RAP1A: variants seen among roughly 807,000 people sequenced by gnomAD.
RAP1A encodes the protein ras-related protein Rap-1A.
In RAP1A, 6 loss-of-function variants were observed where a neutral mutation model predicts 26.4. The observed-to-expected ratio is 0.23, with a 90% CI of 0.12 to 0.45. RAP1A has a LOEUF of 0.45. Among genes scored for constraint, RAP1A ranks in the 20% least tolerant of loss-of-function variants. The pLI, the probability that RAP1A is intolerant of heterozygous loss-of-function variation, is 0.99. For synonymous variants in RAP1A, 73 were observed against 79.4 expected (o/e 0.92, Z 0.43); for missense variants, 121 against 217.2 (o/e 0.56, Z 2.78).
intron 1 of RAP1A, among the ~76,000 whole-genome samples, chr1:111,548,884 T>C (rs1216524061): frequency 6.6e-6 from 1 of 152,236 alleles, no homozygotes; most frequent in African/African-American, 2.4e-5. Flanking sequence ...CGCTCTGATA[T>C]GGGCTGTTTT....
chr1:111,590,173 G>A (rs550785831), intron 1 of RAP1A, among the ~76,000 whole-genome samples: 1 of 111,966 alleles, frequency 8.9e-6, no homozygotes, highest in East Asian at 2.8e-4. Context: ...TTAATAGTTT[G>A]TAGATTGTCT....
intron 1 of RAP1A, among the ~76,000 whole-genome samples, chr1:111,668,341 A>G (rs1363674713): frequency 2.6e-5 from 4 of 152,230 alleles, no homozygotes; most frequent in Non-Finnish European, 5.9e-5. Flanking sequence ...CATTGACTTC[A>G]TATTTTGGAA....
chr1:111,588,319 G>T (rs1658417457), intron 1 of RAP1A, among the ~76,000 whole-genome samples: 1 of 152,156 alleles, frequency 6.6e-6, no homozygotes, highest in Non-Finnish European at 1.5e-5. Flanking sequence ...ATCATAGTGG[G>T]CTGCTGGGTG....
At chr1:111,696,799 A>T (rs189036543) in intron 3 of RAP1A, among the ~76,000 whole-genome samples, 7 of 152,300 alleles carry the variant, frequency 4.6e-5, no homozygotes, top group African/African-American at 1.4e-4. Context: ...TTATAAGACC[A>T]ATGGGTAAAT....
At chr1:111,599,030 G>T (rs1292426198) in intron 1 of RAP1A, among the ~76,000 whole-genome samples, 1 of 152,110 alleles carries the variant, frequency 6.6e-6, no homozygotes, top group African/African-American at 2.4e-5. Context: ...CAGATGATGA[G>T]GTGTATAGGG....
chr1:111,602,271 A>C (rs1196156907), intron 1 of RAP1A: 1 of 152,210 alleles, frequency 6.6e-6, no homozygotes, highest in Admixed American at 6.5e-5. Flanking sequence ...GCAGGATAAC[A>C]GGAAAGAAAG....
At chr1:111,704,906 C>G (rs1662139880) in intron 6 of RAP1A, among the ~76,000 whole-genome samples, 2 of 152,098 alleles carry the variant, frequency 1.3e-5, no homozygotes, top group South Asian at 4.2e-4. Flanking sequence ...CTTACCTCAC[C>G]TTTGGTGCAT....
intron 1 of RAP1A, among the ~76,000 whole-genome samples, chr1:111,567,026 C>T (rs1557853095): frequency 5.3e-5 from 8 of 151,972 alleles, no homozygotes; most frequent in Admixed American, 5.2e-4. Flanking sequence ...TTTAGGAGGC[C>T]ATATTTTTTC....
intron 6 of RAP1A, among the ~76,000 whole-genome samples, chr1:111,705,630 A>G (rs192008672): frequency 1.4e-3 from 211 of 152,330 alleles, no homozygotes; most frequent in African/African-American, 4.7e-3. Context: ...TTTATTGACT[A>G]TTGTGTGTCT....
At chr1:111,555,853 G>A (rs972837307) in intron 1 of RAP1A, among the ~76,000 whole-genome samples, 4 of 152,076 alleles carry the variant, frequency 2.6e-5, no homozygotes, top group Non-Finnish European at 5.9e-5. Context: ...ATTGGATTTG[G>A]CAACGATTTC....
chr1:111,612,237 G>A (rs187264057), intron 1 of RAP1A, among the ~76,000 whole-genome samples: 1 of 152,234 alleles, frequency 6.6e-6, no homozygotes, highest in East Asian at 1.9e-4. Context: ...CTCTCCAGTG[G>A]CCAGCTGTGT....
At chr1:111,704,148 ATTTTT>A (rs71078091) in intron 5 of RAP1A, among the ~76,000 whole-genome samples, 190 bp from the exon 6 acceptor site, 1 of 136,866 alleles carries the variant, frequency 7.3e-6, no homozygotes, top group African/African-American at 2.7e-5. Context: ...GATCTCTTCC[ATTTTT>A]TTTTTTTTTT....
At chr1:111,666,539 A>G (rs1660800282) in intron 1 of RAP1A, among the ~76,000 whole-genome samples, 1 of 152,200 alleles carries the variant, frequency 6.6e-6, no homozygotes, top group Admixed American at 6.5e-5. Flanking sequence ...TTCTAAAAAT[A>G]GAATGTAAAT....
chr1:111,660,952 T>C (rs972015098), intron 1 of RAP1A, among the ~76,000 whole-genome samples: 1 of 152,202 alleles, frequency 6.6e-6, no homozygotes, highest in Admixed American at 6.5e-5. Flanking sequence ...CAAACATCAC[T>C]CTTCTAGATT....
chr1:111,559,474 T>C (rs1657644445), intron 1 of RAP1A, among the ~76,000 whole-genome samples: 1 of 152,154 alleles, frequency 6.6e-6, no homozygotes, highest in Non-Finnish European at 1.5e-5. Context: ...GAGATTTGAG[T>C]TGCAGTCCAA....
Position 111,587,528 on chromosome 1 carries a change from C to G in RAP1A, c.-28+45019C>G, listed in dbSNP as rs61788217. 7.2e-3 allele frequency among the ~76,000 whole-genome samples: 1,095 copies of G among 152,254 alleles called. 21 individuals are homozygous for G. Among genetic ancestry groups the G allele is most frequent in the Non-Finnish European group, 4.6e-3 (315 of 68,028 alleles). ...CTCTATTCGTTATCCTCTCTATCTC[C>G]TTTACTCCAAGCTTCCCCTCTACTT... is the stretch of plus-strand genomic sequence containing the variant. On this transcript the variant is annotated intron_variant, in intron 1 of 7. Transcript: ENST00000356415.
In RAP1A at chr1:111,674,207, G is replaced by C. The variant is rs377603620; in HGVS notation, c.-27-17127G>C. Among the ~76,000 whole-genome samples, 18 of 152,252 alleles carry C rather than the reference G, an allele frequency of 1.2e-4. 1 individual carries two copies. The South Asian group carries it at 3.5e-3, about 30-fold the overall frequency. The stretch of plus-strand genomic sequence containing the variant: ...TGTCAGCGATCCCCAGACTGGAAAG[G>C]GGGTAGGGATGTAGGCATCCTTTTA... On this transcript the variant is annotated intron_variant, in intron 1 of 7. Coordinates refer to ENST00000369709, the MANE Select transcript of RAP1A (RefSeq NM_002884.4).
At chr1:111,563,489 G>A (rs911586404) in intron 1 of RAP1A, among the ~76,000 whole-genome samples, 4 of 152,114 alleles carry the variant, frequency 2.6e-5, no homozygotes, top group African/African-American at 7.2e-5. Context: ...CGGGAGAAAC[G>A]AGCCTGAGTT....
intron 1 of RAP1A, among the ~76,000 whole-genome samples, chr1:111,558,123 C>T (rs1657577095): frequency 6.6e-6 from 1 of 152,094 alleles, no homozygotes; most frequent in South Asian, 2.1e-4. Context: ...TTAAATATAA[C>T]AGTAATTACA....
Sources: gnomAD v4.1 joint callset for allele counts (sites outside exome capture counted in the v4.1 genomes callset) on GRCh38, gnomAD v4.1.1 for gene constraint, MANE v1.5 for transcripts, NCBI Gene and HGNC (gene_info 2026-07-23, HGNC 2026-07-21) for gene names.